Variants in FKBP1B observed in about 807,000 individuals in gnomAD.
FKBP1B encodes the protein FKBP prolyl isomerase 1B, also known as peptidyl-prolyl cis-trans isomerase FKBP1B.
A neutral mutation model predicts 13.5 loss-of-function variants in FKBP1B; 4 were observed. The observed-to-expected ratio is 0.30, with a 90% CI of 0.15 to 0.68. FKBP1B has a LOEUF of 0.68. FKBP1B is among the 30% of genes least tolerant of loss of function. The pLI, the probability that FKBP1B is intolerant of heterozygous loss-of-function variation, is 0.76. For missense variants in FKBP1B, 93 were observed against 136.2 expected, an observed-to-expected ratio of 0.68 and a Z score of 1.58; for synonymous variants, 54 against 53.6, an observed-to-expected ratio of 1.01 and a Z score of -0.03.
chr2:24,059,790 G>A (rs1664298735), intron 2 of FKBP1B, among the ~76,000 whole-genome samples: 1 of 149,246 alleles, frequency 6.7e-6, no homozygotes, highest in Non-Finnish European at 1.5e-5. Flanking sequence ...AGCTACTCAG[G>A]AAGCTGAGGC....
chr2:24,060,810 A>G lies in FKBP1B; in HGVS notation c.86-4A>G, dbSNP rs1190873294. ...TCTATTGCACCCGATTCTTGCTTTG[A>G]CAGGAATGCTCCAAAATGGGAAGAA... On this transcript the variant is annotated splice_polypyrimidine_tract_variant and splice_region_variant and intron_variant, in intron 2 of 3. Coordinates refer to ENST00000380986, the MANE Select transcript of FKBP1B (RefSeq NM_004116.5). 2 of 1,611,726 alleles carry G rather than the reference A, an allele frequency of 1.2e-6. No homozygotes were observed. The highest frequency in any genetic ancestry group is 2.2e-5 in the South Asian group (2 of 91,018).
At chr2:24,042,204 C>T in the FKBP1B span, among the ~76,000 whole-genome samples, 4 of 151,716 alleles carry the variant, frequency 2.6e-5, no homozygotes, top group Non-Finnish European at 4.4e-5. Context: ...GAGCTCAAAA[C>T]CAGCCTGACC....
chr2:24,046,298 T>G (rs188575651), upstream of FKBP1B, among the ~76,000 whole-genome samples: 3 of 152,328 alleles, frequency 2.0e-5, no homozygotes, highest in Non-Finnish European at 4.4e-5. Flanking sequence ...CCTCACTGTA[T>G]AAGATCAGAG....
the FKBP1B span, among the ~76,000 whole-genome samples, chr2:24,040,883 G>A: frequency 2.0e-5 from 3 of 152,210 alleles, no homozygotes; most frequent in South Asian, 2.1e-4. Flanking sequence ...AAGTGTGGTG[G>A]TGCATGCCTA....
chr2:24,046,100 T>A (rs1573671908), upstream of FKBP1B, among the ~76,000 whole-genome samples: 1 of 126,296 alleles, frequency 7.9e-6, no homozygotes, highest in African/African-American at 3.1e-5. Flanking sequence ...GGTGACAGAG[T>A]GAGACCCTGT....
the FKBP1B span, chr2:24,039,401 T>G: frequency 6.2e-7 from 1 of 1,614,142 alleles, no homozygotes; most frequent in African/African-American, 1.3e-5. Context: ...ACAACTTGAT[T>G]CCCATCGGTC....
chr2:24,059,688 G>A (rs1005297768), intron 2 of FKBP1B, among the ~76,000 whole-genome samples: 2 of 151,974 alleles, frequency 1.3e-5, no homozygotes, highest in African/African-American at 4.8e-5. Context: ...GAGGTCAGGA[G>A]TTCGAGACCA....
At chr2:24,061,748 T>G (rs1166287571) in intron 3 of FKBP1B, among the ~76,000 whole-genome samples, 1 of 152,196 alleles carries the variant, frequency 6.6e-6, no homozygotes, top group East Asian at 1.9e-4. Context: ...AGATTTAAAT[T>G]TCACCAATTG....
intron 3 of FKBP1B, among the ~76,000 whole-genome samples, chr2:24,061,860 G>T (rs950129944): frequency 1.3e-5 from 2 of 151,376 alleles, no homozygotes; most frequent in Admixed American, 1.3e-4. Flanking sequence ...GCTCCCTTAC[G>T]ATAGGTCTTG....
chr2:24,038,521 T>C, the FKBP1B span: 169 of 1,614,136 alleles, frequency 1.0e-4, no homozygotes, highest in Admixed American at 6.7e-5. Context: ...AACTGCCTTC[T>C]TAAAGGTCAC....
chr2:24,048,795 T>TATTC (rs1352069598), upstream of FKBP1B, among the ~76,000 whole-genome samples: 1 of 152,188 alleles, frequency 6.6e-6, no homozygotes, highest in Non-Finnish European at 1.5e-5. Context: ...TTCATTTACA[T>TATTC]ATTCATTCAT....
At chr2:24,034,448 C>G in the FKBP1B span, among the ~76,000 whole-genome samples, 1 of 151,942 alleles carries the variant, frequency 6.6e-6, no homozygotes. Flanking sequence ...AAAAATATAA[C>G]AGAAATATAT....
chr2:24,039,408 G>A, the FKBP1B span: 4 of 1,614,254 alleles, frequency 2.5e-6, no homozygotes, highest in East Asian at 2.2e-5. Flanking sequence ...GATTCCCATC[G>A]GTCCAGGCAA....
chr2:24,036,849 C>T, the FKBP1B span, among the ~76,000 whole-genome samples: 1 of 152,126 alleles, frequency 6.6e-6, no homozygotes, highest in Admixed American at 6.5e-5. Context: ...TGGAGAAAGT[C>T]ACGAAAGGAT....
chr2:24,058,070 G>A (rs1187098439), intron 2 of FKBP1B, among the ~76,000 whole-genome samples: 1 of 151,978 alleles, frequency 6.6e-6, no homozygotes, highest in Non-Finnish European at 1.5e-5. Context: ...GGTGGTGCAT[G>A]CCTGTAATCC....
At chr2:24,037,817 C>A in the FKBP1B span, 1 of 1,614,218 alleles carries the variant, frequency 6.2e-7, no homozygotes, top group Non-Finnish European at 8.5e-7. Flanking sequence ...ATTTCCACTT[C>A]CTTAGACAGC....
intron 1 of FKBP1B, 27 bp from the exon 2 acceptor site, chr2:24,053,875 T>G: frequency 1.2e-6 from 2 of 1,612,730 alleles, no homozygotes; most frequent in Non-Finnish European, 1.7e-6. Context: ...ATCCTACTCC[T>G]TCATCTGCCC....
At chr2:24,033,535 G>T in the FKBP1B span, among the ~76,000 whole-genome samples, 1 of 152,006 alleles carries the variant, frequency 6.6e-6, no homozygotes, top group Non-Finnish European at 1.5e-5. Flanking sequence ...GAGCCCAGGA[G>T]TTCAAGACCA....
At chr2:24,049,938 C>T in intron 1 of FKBP1B, 52 bp downstream of exon 1, 3 of 1,336,030 alleles carry the variant, frequency 2.2e-6, no homozygotes, top group Non-Finnish European at 1.9e-6. Flanking sequence ...GGGGCGGAGC[C>T]CGGAGGGCGG....
Sources: allele counts gnomAD v4.1 joint callset (sites outside exome capture counted in the v4.1 genomes callset), GRCh38; gene constraint gnomAD v4.1.1; transcripts MANE v1.5; gene names NCBI Gene and HGNC (gene_info 2026-07-23, HGNC 2026-07-21).